The following ZSWIM6 variants were observed in gnomAD, a reference collection of about 807,000 sequenced individuals.
ZSWIM6 encodes zinc finger SWIM-type containing 6, also known as zinc finger SWIM domain-containing protein 6.
A neutral mutation model predicts 113.2 loss-of-function variants in ZSWIM6; 9 were observed. The ratio of observed to expected loss-of-function variants is 0.08; its 90% CI spans 0.05 to 0.14. ZSWIM6 has a LOEUF of 0.14. ZSWIM6 is among the 10% of genes least tolerant of loss of function. ZSWIM6 has a pLI of 1.00. For synonymous variants in ZSWIM6, 611 were observed against 606.5 expected (o/e 1.01, Z -0.11); for missense variants, 1,162 against 1,552.2 (o/e 0.75, Z 4.22).
At chr5:61,526,030 C>A (rs1223264590) in intron 6 of ZSWIM6, 54 bp downstream of exon 6, 1 of 1,536,600 alleles carries the variant, frequency 6.5e-7, no homozygotes, top group African/African-American at 1.4e-5. Context: ...TGTTTAGTTT[C>A]TATAGCATTA....
At chr5:61,454,631 G>C (rs950425745) in intron 1 of ZSWIM6, among the ~76,000 whole-genome samples, 5 of 150,256 alleles carry the variant, frequency 3.3e-5, no homozygotes, top group African/African-American at 1.2e-4. Context: ...CTGGAATGTG[G>C]AATGCAGTGG....
In ZSWIM6 at chr5:61,472,827, G is replaced by A. The variant is rs1747605980; in HGVS notation, c.823G>A (p.Val275Ile). The A allele has an allele frequency of 6.4e-7, 1 of 1,551,804 alleles. No individual in the cohort carries two copies. Among genetic ancestry groups the A allele is most frequent in the Non-Finnish European group, 8.7e-7 (1 of 1,147,064 alleles). ...GNKDIFYCAH[V>I]VALSLYRIRK... ...CAAGGACATATTTTATTGTGCCCATGTTGTGGCACTGTCTTTATACCGCAT... is the reference window on the plus strand; with the variant it reads ...CAAGGACATATTTTATTGTGCCCATATTGTGGCACTGTCTTTATACCGCAT... The change falls in exon 2 of 14, where the codon GTT (valine) becomes ATT (isoleucine). Residue 275 changes from valine (V) to isoleucine (I), a missense_variant. By Grantham distance (29) the Val-to-Ile change is conservative. This residue lies in a region of ZSWIM6 where 96 missense variants were observed against 240.3 expected (regional missense o/e 0.40). Transcript: ENST00000252744. The surrounding 1 kb of genome is among the most constrained non-coding windows in gnomAD (Gnocchi z 4.1).
At chr5:61,337,510 C>A (rs1480475223) in intron 1 of ZSWIM6, among the ~76,000 whole-genome samples, 1 of 152,170 alleles carries the variant, frequency 6.6e-6, no homozygotes, top group Non-Finnish European at 1.5e-5. Context: ...TATAGTGATG[C>A]TCATTGCAGT....
rs555411086 is a variant in ZSWIM6 at position 61,378,930 on chromosome 5, A to G, written c.676+45982A>G. ...CACGATGGCTCACTCCTGTTATCCCAGTGCTTTAGGAGGCTGAGGCAAGAG... is the reference window on the plus strand; with the variant it reads ...CACGATGGCTCACTCCTGTTATCCCGGTGCTTTAGGAGGCTGAGGCAAGAG... On this transcript the variant is annotated intron_variant, in intron 1 of 13. Coordinates refer to ENST00000252744, the MANE Select transcript of ZSWIM6 (RefSeq NM_020928.2). 2.0e-5 allele frequency among the ~76,000 whole-genome samples: 3 copies of G among 152,196 alleles called. No individual in the cohort carries two copies. The East Asian group carries it at 5.8e-4, about 29-fold the overall frequency.
chr5:61,414,568 TA>T (rs1746210355), intron 1 of ZSWIM6, among the ~76,000 whole-genome samples: 1 of 152,204 alleles, frequency 6.6e-6, no homozygotes, highest in Non-Finnish European at 1.5e-5. Context: ...TTATGGTTTT[TA>T]AATTTGAAAA....
chr5:61,521,452 CCAT>C lies in ZSWIM6; in HGVS notation c.1513+11_1513+13del. 6.9e-7 allele frequency: 1 copy of C among 1,441,972 alleles called. No individual in the cohort carries two copies. Among genetic ancestry groups the C allele is most frequent in the Non-Finnish European group, 9.2e-7 (1 of 1,089,650 alleles). 89.3% of individuals were successfully genotyped at this position (1,441,972 alleles called of 1,614,324 possible). ...GCAAATGCCAACCAAGGTGAGTCTA[CCAT>C]AATGTTCTGCTTAAATTGTAGCTAC... On this transcript the variant is annotated intron_variant, in intron 5 of 13. Transcript: ENST00000252744.
chr5:61,509,304 G>A (rs1039803095), intron 4 of ZSWIM6, among the ~76,000 whole-genome samples: 26 of 59,690 alleles, frequency 4.4e-4, no homozygotes, highest in African/African-American at 1.6e-3. Flanking sequence ...AATAAGTTCT[G>A]ATAACTTTTA....
chr5:61,489,345 A>T (rs1276187023), intron 2 of ZSWIM6, among the ~76,000 whole-genome samples: 2 of 152,012 alleles, frequency 1.3e-5, no homozygotes, highest in Non-Finnish European at 2.9e-5. Flanking sequence ...TCTTCCTCTG[A>T]GCAGTTATTA....
At chr5:61,352,882 A>G (rs575581020) in intron 1 of ZSWIM6, among the ~76,000 whole-genome samples, 1 of 152,338 alleles carries the variant, frequency 6.6e-6, no homozygotes, top group South Asian at 2.1e-4. Context: ...GCTCACATGC[A>G]TAGGTCAGTT....
chr5:61,360,367 G>A (rs138124656), intron 1 of ZSWIM6, among the ~76,000 whole-genome samples: 128 of 152,336 alleles, frequency 8.4e-4, no homozygotes, highest in African/African-American at 2.8e-3. Context: ...CTTGTAATGC[G>A]GAGAAGAATT....
intron 4 of ZSWIM6, among the ~76,000 whole-genome samples, chr5:61,513,588 C>G (rs1274959666): frequency 1.3e-5 from 2 of 151,946 alleles, no homozygotes; most frequent in African/African-American, 4.8e-5. Context: ...AAACTTTTTT[C>G]TAGCAGTTTT....
At chr5:61,378,654 C>G (rs1745418752) in intron 1 of ZSWIM6, among the ~76,000 whole-genome samples, 1 of 152,014 alleles carries the variant, frequency 6.6e-6, no homozygotes, top group African/African-American at 2.4e-5. Flanking sequence ...CTCCCAGGTT[C>G]AATCGGTTTT....
chr5:61,335,655 A>G (rs931917997), intron 1 of ZSWIM6, among the ~76,000 whole-genome samples: 14 of 152,266 alleles, frequency 9.2e-5, no homozygotes, highest in East Asian at 7.7e-4. Flanking sequence ...TGGTATTGCA[A>G]AATTACAAGT....
chr5:61,539,813 C>G, intron 12 of ZSWIM6, 54 bp downstream of exon 12: 1 of 1,483,040 alleles, frequency 6.7e-7, no homozygotes. Flanking sequence ...ATAAAGGCAC[C>G]TCTTAGGGTT....
intron 2 of ZSWIM6, among the ~76,000 whole-genome samples, chr5:61,475,152 A>C (rs1747678552): frequency 6.6e-6 from 1 of 152,142 alleles, no homozygotes; most frequent in South Asian, 2.1e-4. Flanking sequence ...TGTTCAGTGG[A>C]AGCAGAGAAC....
intron 2 of ZSWIM6, among the ~76,000 whole-genome samples, chr5:61,489,336 C>T (rs907990554): frequency 1.3e-5 from 2 of 152,040 alleles, no homozygotes; most frequent in African/African-American, 4.8e-5. Context: ...ACCCGGCCCT[C>T]TTCCTCTGAG....
chr5:61,344,136 C>T (rs1215176031), intron 1 of ZSWIM6, among the ~76,000 whole-genome samples: 1 of 152,196 alleles, frequency 6.6e-6, no homozygotes, highest in African/African-American at 2.4e-5. Flanking sequence ...CTCAGGTGAT[C>T]CATCCACCTT....
chr5:61,397,031 T>C (rs1745850872), intron 1 of ZSWIM6, among the ~76,000 whole-genome samples: 1 of 152,196 alleles, frequency 6.6e-6, no homozygotes, highest in Admixed American at 6.5e-5. Context: ...GACTTACCCA[T>C]GATTGTCCCA....
At chr5:61,483,559 C>A (rs1747934309) in intron 2 of ZSWIM6, among the ~76,000 whole-genome samples, 1 of 152,012 alleles carries the variant, frequency 6.6e-6, no homozygotes, top group South Asian at 2.1e-4. Flanking sequence ...ATTTTAAAAT[C>A]TGTCATATTT....
Sources: gnomAD v4.1 joint callset for allele counts (sites outside exome capture counted in the v4.1 genomes callset) on GRCh38, gnomAD v4.1.1 for gene constraint, gnomAD v4.1.1 regional missense constraint, Gnocchi (gnomAD v3.1) non-coding constraint, MANE v1.5 for transcripts, NCBI Gene and HGNC (gene_info 2026-07-23, HGNC 2026-07-21) for gene names.